CHRNA9: variants seen among roughly 807,000 people sequenced by gnomAD.
CHRNA9 encodes neuronal acetylcholine receptor subunit alpha-9.
A neutral mutation model predicts 36.8 loss-of-function variants in CHRNA9; 24 were observed. That is an observed-to-expected ratio of 0.65 (90% CI 0.47 to 0.92). CHRNA9 has a LOEUF of 0.92. Among genes scored for constraint, CHRNA9 ranks in the 40% least tolerant of loss-of-function variants. CHRNA9 has a pLI of 0.00. For missense variants in CHRNA9, 610 were observed against 601.2 expected (o/e 1.01, Z -0.15); for synonymous variants, 231 against 231.8 (o/e 1.00, Z 0.03).
chr4:40,354,090 C>G lies in CHRNA9; in HGVS notation c.1010C>G (p.Ala337Gly), dbSNP rs780374797. ...GAEARPVPHW[A>G]RVVILKYMSR... ...GAGGCCCGGCCGGTGCCACACTGGGCCAGGGTGGTCATCCTGAAATACATG... is the reference window on the plus strand; with the variant it reads ...GAGGCCCGGCCGGTGCCACACTGGGGCAGGGTGGTCATCCTGAAATACATG... Residue 337 changes from alanine to glycine, a missense_variant, in exon 5 of 5, where the codon GCC becomes GGC. Coordinates refer to ENST00000310169, the MANE Select transcript of CHRNA9 (RefSeq NM_017581.4). 1.2e-6 allele frequency: 2 copies of G among 1,614,180 alleles called. No homozygotes were observed. Among genetic ancestry groups the G allele is most frequent in the South Asian group, 1.1e-5 (1 of 91,074 alleles).
At chr4:40,348,007 A>T (rs1168060262) in intron 3 of CHRNA9, 1 of 152,222 alleles carries the variant, frequency 6.6e-6, no homozygotes, top group Non-Finnish European at 1.5e-5. Flanking sequence ...AAAGTAAACA[A>T]CCAGCTCTTG....
Position 40,335,394 on chromosome 4 carries a change from C to G in CHRNA9, c.-74C>G, listed in dbSNP as rs914384884. The stretch of plus-strand genomic sequence containing the variant: ...CGGTGTGGGCTCCTTGTGCCCAGAT[C>G]CTTTGTATTCATAGGGGGAAGTGGA... On this transcript the variant is annotated 5_prime_UTR_variant, in exon 1 of 5. The change creates a new upstream start codon in the 5' untranslated region. Transcript: ENST00000310169. 3 of 1,150,942 alleles carry G rather than the reference C, an allele frequency of 2.6e-6. No individual in the cohort carries two copies. In the African/African-American group the frequency reaches 4.5e-5, roughly 17 times the overall value. 71.3% of individuals were successfully genotyped at this position (1,150,942 alleles called of 1,614,324 possible).
At position 40,353,998 on chromosome 4, in the gene CHRNA9, G is replaced by C; in HGVS notation, c.918G>C (p.Thr306=). The C allele has an allele frequency of 2.5e-6, 4 of 1,606,606 alleles. No individual in the cohort carries two copies. Among genetic ancestry groups the C allele is most frequent in the Non-Finnish European group, 2.6e-6 (3 of 1,174,776 alleles). ...TTCCAGGTAAATACTACATAGCCAC[G>C]ATGGCCCTGATCACAGCCTCCACTG... ...VPLIGKYYIA[T]MALITASTAL... Residue 306 remains threonine (T), a synonymous_variant, in exon 5 of 5, where the codon ACG becomes ACC. Coordinates refer to ENST00000310169, the MANE Select transcript of CHRNA9 (RefSeq NM_017581.4).
At position 40,349,167 on chromosome 4, in the gene CHRNA9, T is replaced by C; in HGVS notation, c.651T>C (p.Tyr217=). The C allele has an allele frequency of 6.2e-7, 1 of 1,614,224 alleles. No homozygotes were observed. The highest frequency in any genetic ancestry group is 1.1e-5 in the South Asian group (1 of 91,080). ...GMPAVKNVIS[Y]GCCSEPYPDV... ...CCGCTGTGAAGAATGTGATCTCCTA[T>C]GGCTGCTGCTCTGAGCCTTACCCGG... The change falls in exon 4 of 5, where the codon TAT becomes TAC. Residue 217 remains tyrosine, a synonymous_variant. Coordinates refer to ENST00000310169, the MANE Select transcript of CHRNA9 (RefSeq NM_017581.4).
At chr4:40,353,383 TG>T (rs1712857971) in intron 4 of CHRNA9, among the ~76,000 whole-genome samples, 1 of 151,308 alleles carries the variant, frequency 6.6e-6, no homozygotes, top group Admixed American at 6.6e-5. Flanking sequence ...CCCAGCTACT[TG>T]GGAGGCTGAG....
intron 3 of CHRNA9, among the ~76,000 whole-genome samples, chr4:40,342,793 G>A (rs1029595845): frequency 4.6e-5 from 7 of 152,114 alleles, no homozygotes; most frequent in Non-Finnish European, 2.9e-5. Flanking sequence ...GAGTTTGGCA[G>A]GAGAGACTTG....
At chr4:40,343,130 G>A (rs1712547902) in intron 3 of CHRNA9, among the ~76,000 whole-genome samples, 1 of 152,142 alleles carries the variant, frequency 6.6e-6, no homozygotes, top group Non-Finnish European at 1.5e-5. Context: ...CCAGTTCCCA[G>A]GAATGGGCTT....
intron 3 of CHRNA9, among the ~76,000 whole-genome samples, chr4:40,338,895 A>T (rs986149642): frequency 6.3e-4 from 95 of 151,140 alleles, no homozygotes; most frequent in Non-Finnish European, 1.2e-3. Context: ...TCTCTCTCAC[A>T]CACACACACA....
chr4:40,345,714 AAAACAAAC>A (rs200677279), intron 3 of CHRNA9, among the ~76,000 whole-genome samples: 3 of 151,076 alleles, frequency 2.0e-5, no homozygotes, highest in African/African-American at 4.9e-5. Flanking sequence ...TCCATCTCAA[AAAACAAAC>A]AAACAAACAA....
chr4:40,346,100 G>A (rs1174783902), intron 3 of CHRNA9, among the ~76,000 whole-genome samples: 3 of 152,230 alleles, frequency 2.0e-5, no homozygotes, highest in Non-Finnish European at 4.4e-5. Context: ...TTTTTGGTCA[G>A]CAGGTTCCCT....
At chr4:40,346,804 A>G (rs1217436634) in intron 3 of CHRNA9, among the ~76,000 whole-genome samples, 1 of 151,690 alleles carries the variant, frequency 6.6e-6, no homozygotes, top group Non-Finnish European at 1.5e-5. Context: ...ATATTATTTT[A>G]TTTTATTTTT....
intron 2 of CHRNA9, 70 bp from the exon 3 acceptor site, chr4:40,337,140 C>T (rs965698516): frequency 1.6e-5 from 23 of 1,405,828 alleles, no homozygotes; most frequent in Middle Eastern, 3.7e-4. Flanking sequence ...TTGTGAAGAA[C>T]AAGTGTCCTA....
chr4:40,346,586 C>T (rs992179902), intron 3 of CHRNA9, among the ~76,000 whole-genome samples: 1 of 152,146 alleles, frequency 6.6e-6, no homozygotes, highest in Admixed American at 6.6e-5. Flanking sequence ...TAACTGTACA[C>T]ATTTCTCACG....
Position 40,354,859 on chromosome 4 carries a change from C to A in CHRNA9, c.*339C>A. The A allele has an allele frequency of 1.1e-5, 2 of 188,640 alleles. No individual in the cohort carries two copies. Among genetic ancestry groups the A allele is most frequent in the Admixed American group, 5.3e-5 (1 of 18,856 alleles). The allele number at this position is 188,640 out of a possible 1,614,324, so 11.7% of individuals were successfully genotyped here. On this transcript the variant is annotated 3_prime_UTR_variant, in exon 5 of 5. Coordinates refer to ENST00000310169, the MANE Select transcript of CHRNA9 (RefSeq NM_017581.4). ...CTGGTAAAATTTAAAACAAAAAAGGCAAAACAAAACAAACTCATTTTCCCC... is the reference window on the plus strand; with the variant it reads ...CTGGTAAAATTTAAAACAAAAAAGGAAAAACAAAACAAACTCATTTTCCCC...
intron 4 of CHRNA9, among the ~76,000 whole-genome samples, chr4:40,353,747 A>G (rs934946499): frequency 6.6e-6 from 1 of 152,226 alleles, no homozygotes; most frequent in African/African-American, 2.4e-5. Context: ...ATACAGTAAC[A>G]TGCTGCACAG....
chr4:40,347,064 C>T (rs111583846), intron 3 of CHRNA9, among the ~76,000 whole-genome samples: 1 of 152,174 alleles, frequency 6.6e-6, no homozygotes, highest in East Asian at 1.9e-4. Flanking sequence ...CTACCCACCT[C>T]GGCCTCCCAA....
chr4:40,336,041 G>T, intron 2 of CHRNA9, 69 bp downstream of exon 2: 1 of 1,346,368 alleles, frequency 7.4e-7, no homozygotes, highest in South Asian at 1.3e-5. Flanking sequence ...TTTCTGAAGA[G>T]AATGTCTTAA....
At chr4:40,338,891 T>TCACACA (rs33947686) in intron 3 of CHRNA9, among the ~76,000 whole-genome samples, 17 of 117,466 alleles carry the variant, frequency 1.4e-4, no homozygotes, top group South Asian at 3.1e-4. Flanking sequence ...CCTCTCTCTC[T>TCACACA]CACACACACA....
intron 2 of CHRNA9, 76 bp from the exon 3 acceptor site, chr4:40,337,134 G>A (rs1367488642): frequency 7.4e-7 from 1 of 1,353,990 alleles, no homozygotes; most frequent in East Asian, 2.3e-5. Flanking sequence ...TTCCTATTGT[G>A]AAGAACAAGT....
Sources: gnomAD v4.1 joint callset for allele counts (sites outside exome capture counted in the v4.1 genomes callset) on GRCh38, gnomAD v4.1.1 for gene constraint, MANE v1.5 for transcripts, NCBI Gene and HGNC (gene_info 2026-07-23, HGNC 2026-07-21) for gene names.